FAM135B: variants seen among roughly 807,000 people sequenced by gnomAD.
FAM135B encodes the protein protein FAM135B.
FAM135B carries 43 observed loss-of-function variants against 127.7 expected under a neutral mutation model. The ratio of observed to expected loss-of-function variants is 0.34; its 90% CI spans 0.26 to 0.43. FAM135B has a LOEUF of 0.43. Ranked by LOEUF, FAM135B falls within the 20% of genes least tolerant of loss-of-function variation. The pLI, the probability that FAM135B is intolerant of heterozygous loss-of-function variation, is 1.00. For missense variants in FAM135B, 1,558 were observed against 1,725.6 expected (o/e 0.90, Z 1.72); for synonymous variants, 670 against 665.1 (o/e 1.01, Z -0.11).
intron 1 of FAM135B, among the ~76,000 whole-genome samples, chr8:138,399,175 C>A (rs1286761781): frequency 1.3e-5 from 2 of 151,998 alleles, no homozygotes; most frequent in Admixed American, 1.3e-4. Context: ...TATCTAGTGT[C>A]CTAGCTTCCT....
chr8:138,148,021 G>C lies in FAM135B; in HGVS notation c.3448+499C>G, dbSNP rs141086087. Among the ~76,000 whole-genome samples the C allele has an allele frequency of 2.8e-3, 427 of 152,146 alleles. 1 individual carries two copies. The highest frequency in any genetic ancestry group is 9.7e-3 in the African/African-American group (404 of 41,516). ...AAACATAGGTAGCAAGATAGTCTGG[G>C]CCACTAACCTGAGCTCCTCAAAATG... On this transcript the variant is annotated intron_variant, in intron 14 of 19. Transcript: ENST00000395297.
intron 1 of FAM135B, among the ~76,000 whole-genome samples, chr8:138,412,401 G>T (rs1230527381): frequency 6.6e-6 from 1 of 152,178 alleles, no homozygotes; most frequent in African/African-American, 2.4e-5. Flanking sequence ...GTTTCAAGCT[G>T]CTAACCTTGG....
intron 3 of FAM135B, among the ~76,000 whole-genome samples, chr8:138,273,959 A>G (rs1330309741): frequency 1.3e-5 from 2 of 152,088 alleles, no homozygotes; most frequent in South Asian, 2.1e-4. Flanking sequence ...TGCCAGCCCT[A>G]TCTCTCTCCT....
At chr8:138,429,698 C>T (rs1835091677) in intron 1 of FAM135B, among the ~76,000 whole-genome samples, 2 of 152,166 alleles carry the variant, frequency 1.3e-5, no homozygotes, top group Non-Finnish European at 2.9e-5. Flanking sequence ...TGGGTTAAAA[C>T]ACTAGCTTAC....
intron 3 of FAM135B, among the ~76,000 whole-genome samples, chr8:138,278,403 C>T (rs949008608): frequency 2.0e-5 from 3 of 151,720 alleles, no homozygotes; most frequent in Admixed American, 1.3e-4. Flanking sequence ...TCAATGAACA[C>T]CTATGCCTAC....
chr8:138,429,612 C>A (rs1170835699), intron 1 of FAM135B, among the ~76,000 whole-genome samples: 8 of 152,188 alleles, frequency 5.3e-5, no homozygotes, highest in Non-Finnish European at 5.9e-5. Context: ...AGCAATTTTA[C>A]AAGCTTGTAG....
At chr8:138,288,015 A>C (rs1187393877) in intron 3 of FAM135B, among the ~76,000 whole-genome samples, 1 of 152,234 alleles carries the variant, frequency 6.6e-6, no homozygotes, top group East Asian at 1.9e-4. Context: ...AACCAAATGA[A>C]GGAAGTAATG....
intron 8 of FAM135B, among the ~76,000 whole-genome samples, 161 bp from the exon 9 acceptor site, chr8:138,195,468 T>G (rs1348733771): frequency 1.3e-5 from 2 of 151,770 alleles, no homozygotes; most frequent in Non-Finnish European, 2.9e-5. Flanking sequence ...AAAGGGACTG[T>G]GCTTATCAGG....
At position 138,334,610 on chromosome 8, in the gene FAM135B, T is replaced by C. The variant is rs527584797; in HGVS notation, c.78-23690A>G. 3.9e-5 allele frequency among the ~76,000 whole-genome samples: 6 copies of C among 152,312 alleles called. No individual in the cohort carries two copies. In the South Asian group the frequency reaches 1.2e-3, roughly 32 times the overall value. The stretch of plus-strand genomic sequence containing the variant: ...TCTACGTGTCCACATATTCTCATCA[T>C]CTAACTTCTACTTATAAGTGAGAAC... On this transcript the variant is annotated intron_variant, in intron 2 of 19. Coordinates refer to ENST00000395297, the MANE Select transcript of FAM135B (RefSeq NM_015912.4).
chr8:138,219,045 G>C (rs1247583540), intron 7 of FAM135B, among the ~76,000 whole-genome samples: 2 of 152,164 alleles, frequency 1.3e-5, no homozygotes, highest in African/African-American at 4.8e-5. Flanking sequence ...AACCCAGTGA[G>C]AGCTGTATCT....
At chr8:138,355,470 CA>C (rs11290539) in intron 2 of FAM135B, among the ~76,000 whole-genome samples, 150,926 of 152,186 alleles carry the variant, frequency 0.99, 74,855 homozygotes, top group East Asian at 1. Flanking sequence ...ATCACAAGGA[CA>C]AAAAAATCAT....
chr8:138,187,858 C>G (rs1295581513), intron 9 of FAM135B, among the ~76,000 whole-genome samples: 1 of 152,152 alleles, frequency 6.6e-6, no homozygotes. Flanking sequence ...TGAGCCCGGC[C>G]CCGATCTCTG....
intron 2 of FAM135B, among the ~76,000 whole-genome samples, chr8:138,338,666 T>G (rs900557320): frequency 3.3e-5 from 5 of 151,680 alleles, no homozygotes; most frequent in Non-Finnish European, 7.4e-5. Context: ...TTGGTGGGAC[T>G]GTAAACTAGT....
In FAM135B at chr8:138,157,510, T is replaced by C. The variant is rs112828349; in HGVS notation, c.1259-4294A>G. Among the ~76,000 whole-genome samples, 1,214 of 152,266 alleles carry C rather than the reference T, an allele frequency of 8.0e-3. 12 individuals carry two copies. The highest frequency in any genetic ancestry group is 0.028 in the African/African-American group (1,150 of 41,542). Reference sequence around the variant, plus strand: ...TAGGAAAAGAGGAAGTCAAATTGTCTCTGTTTGCAGATGACATGATTGTAT... The same window carrying C: ...TAGGAAAAGAGGAAGTCAAATTGTCCCTGTTTGCAGATGACATGATTGTAT... On this transcript the variant is annotated intron_variant, in intron 12 of 19. Transcript: ENST00000395297.
At chr8:138,337,677 A>T (rs1430139739) in intron 2 of FAM135B, among the ~76,000 whole-genome samples, 17 of 152,178 alleles carry the variant, frequency 1.1e-4, no homozygotes, top group East Asian at 3.9e-4. Context: ...AAAATGGCCA[A>T]ACTGCCCAAG....
At chr8:138,308,172 A>G (rs961055953) in intron 3 of FAM135B, among the ~76,000 whole-genome samples, 1 of 149,882 alleles carries the variant, frequency 6.7e-6, no homozygotes, top group Non-Finnish European at 1.5e-5. Flanking sequence ...GAACTCAGCT[A>G]TCATGTAAGA....
intron 12 of FAM135B, among the ~76,000 whole-genome samples, chr8:138,154,210 C>T (rs943746912): frequency 6.6e-6 from 1 of 152,126 alleles, no homozygotes; most frequent in Non-Finnish European, 1.5e-5. Flanking sequence ...CTCCAAAAGA[C>T]CTGCAGCTGA....
intron 1 of FAM135B, among the ~76,000 whole-genome samples, chr8:138,482,164 C>T (rs1281299909): frequency 6.6e-6 from 1 of 152,178 alleles, no homozygotes; most frequent in Non-Finnish European, 1.5e-5. Context: ...GCAGAGGCGG[C>T]ATGAGTGTAG....
At chr8:138,378,094 C>T (rs1831602856) in intron 1 of FAM135B, among the ~76,000 whole-genome samples, 1 of 152,226 alleles carries the variant, frequency 6.6e-6, no homozygotes, top group Non-Finnish European at 1.5e-5. Context: ...CATAACATCT[C>T]TAAGCCTGTT....
Sources: gnomAD v4.1 joint callset for allele counts (sites outside exome capture counted in the v4.1 genomes callset) on GRCh38, gnomAD v4.1.1 for gene constraint, MANE v1.5 for transcripts, NCBI Gene and HGNC (gene_info 2026-07-23, HGNC 2026-07-21) for gene names.